DPP10: variants seen among roughly 807,000 people sequenced by gnomAD.
DPP10 encodes the protein inactive dipeptidyl peptidase 10.
A neutral mutation model predicts 120.9 loss-of-function variants in DPP10; 33 were observed. The ratio of observed to expected loss-of-function variants is 0.27; its 90% CI spans 0.21 to 0.37. The LOEUF is 0.37. Ranked by LOEUF, DPP10 falls within the 10% of genes least tolerant of loss-of-function variation. The pLI, the probability that DPP10 is intolerant of heterozygous loss-of-function variation, is 1.00. For missense variants in DPP10, 816 were observed against 942.8 expected, an observed-to-expected ratio of 0.87 and a Z score of 1.76; for synonymous variants, 337 against 326.1, an observed-to-expected ratio of 1.03 and a Z score of -0.36.
At chr2:115,816,307 A>G (rs1279410225) in intron 21 of DPP10, among the ~76,000 whole-genome samples, 1 of 152,248 alleles carries the variant, frequency 6.6e-6, no homozygotes, top group Non-Finnish European at 1.5e-5. Flanking sequence ...TTGAGTGGTC[A>G]ATTTAGGACT....
intron 3 of DPP10, among the ~76,000 whole-genome samples, chr2:115,483,325 G>T (rs2075554959): frequency 6.6e-6 from 1 of 152,074 alleles, no homozygotes; most frequent in South Asian, 2.1e-4. Context: ...GATAGCTAAT[G>T]TAACCAGCTC....
At chr2:115,546,118 G>T (rs1387490807) in intron 5 of DPP10, among the ~76,000 whole-genome samples, 1 of 151,990 alleles carries the variant, frequency 6.6e-6, no homozygotes, top group African/African-American at 2.4e-5. Flanking sequence ...CATCTTTTTG[G>T]TTTTCCACAT....
intron 1 of DPP10, among the ~76,000 whole-genome samples, chr2:115,260,051 C>G (rs1339578513): frequency 6.6e-6 from 1 of 151,146 alleles, no homozygotes; most frequent in East Asian, 1.9e-4. Context: ...TTATACAATT[C>G]ATTCACGCTT....
intron 5 of DPP10, among the ~76,000 whole-genome samples, chr2:115,622,604 C>A (rs1194665785): frequency 1.4e-5 from 2 of 143,476 alleles, no homozygotes; most frequent in East Asian, 4.2e-4. Context: ...TGGTAACTCT[C>A]TGTTTAACCT....
chr2:114,976,868 T>G (rs931997110), intron 1 of DPP10, among the ~76,000 whole-genome samples: 6 of 152,138 alleles, frequency 3.9e-5, no homozygotes, highest in African/African-American at 1.4e-4. Context: ...ATTCCATTTG[T>G]TGGATTTTCT....
intron 1 of DPP10, among the ~76,000 whole-genome samples, chr2:114,759,199 G>T (rs1680059055): frequency 6.6e-6 from 1 of 152,162 alleles, no homozygotes; most frequent in Non-Finnish European, 1.5e-5. Flanking sequence ...GAAATTTCCT[G>T]GTAATTGATG....
At chr2:115,605,888 T>C (rs914314123) in intron 5 of DPP10, among the ~76,000 whole-genome samples, 4 of 152,144 alleles carry the variant, frequency 2.6e-5, no homozygotes, top group African/African-American at 9.7e-5. Flanking sequence ...TAACAAGTTA[T>C]GTATCTGATC....
Position 114,659,549 on chromosome 2 carries a change from A to G in DPP10, c.60+216711A>G, listed in dbSNP as rs560681413. 2.0e-5 allele frequency among the ~76,000 whole-genome samples: 3 copies of G among 151,930 alleles called. No individual in the cohort carries two copies. In the South Asian group the frequency reaches 6.3e-4, roughly 32 times the overall value. On this transcript the variant is annotated intron_variant, in intron 1 of 25. Coordinates refer to ENST00000410059, the MANE Select transcript of DPP10 (RefSeq NM_020868.6). Reference sequence around the variant, plus strand: ...TTTTTTTCCTCAGAGTTTGCCAAATATTTGATTTTTTCAGAAAACAATCAC... The same window carrying G: ...TTTTTTTCCTCAGAGTTTGCCAAATGTTTGATTTTTTCAGAAAACAATCAC...
rs56149698 is a variant in DPP10, at chr2:115,172,784, TAGAC to T, written c.61-136451_61-136448del. ...ATGTGTTGGGTTGTTATACCGGACATAGACAGAGCGATGGAAAATCAAACTATGT... is the reference window on the plus strand; with the variant it reads ...ATGTGTTGGGTTGTTATACCGGACATAGAGCGATGGAAAATCAAACTATGT... On this transcript the variant is annotated intron_variant, in intron 1 of 25. Coordinates refer to ENST00000410059, the MANE Select transcript of DPP10 (RefSeq NM_020868.6). Among the ~76,000 whole-genome samples, 778 of 152,354 alleles carry T rather than the reference TAGAC, an allele frequency of 5.1e-3. 2 individuals are homozygous for T. The highest frequency in any genetic ancestry group is 5.9e-3 in the Non-Finnish European group (404 of 68,038).
intron 3 of DPP10, among the ~76,000 whole-genome samples, chr2:115,408,241 C>G (rs566173687): frequency 1.3e-5 from 2 of 152,196 alleles, no homozygotes; most frequent in African/African-American, 2.4e-5. Flanking sequence ...TTCCCAGGAA[C>G]AGGAGAGGCC....
At chr2:115,367,536 C>A (rs546887072) in intron 3 of DPP10, among the ~76,000 whole-genome samples, 1 of 151,856 alleles carries the variant, frequency 6.6e-6, no homozygotes, top group African/African-American at 2.4e-5. Flanking sequence ...TACTTTTTTA[C>A]GTTTTAAAGC....
rs988560126 is a variant in DPP10, at chr2:115,098,439, T to C, written c.61-210800T>C. Among the ~76,000 whole-genome samples, 3 of 152,174 alleles carry C rather than the reference T, an allele frequency of 2.0e-5. No individual in the cohort carries two copies. In the East Asian group the frequency reaches 5.8e-4, roughly 29 times the overall value. On this transcript the variant is annotated intron_variant, in intron 1 of 25. Coordinates refer to ENST00000410059, the MANE Select transcript of DPP10 (RefSeq NM_020868.6). ...ATCATAGAGCATACTTACGGAAACC[T>C]AGACTGTATAGCCTACTACACACCT...
rs7577319 is a variant in DPP10 at position 115,827,698 on chromosome 2, C to T, written c.1951-8459C>T. Among the ~76,000 whole-genome samples, 1,199 of 151,452 alleles carry T rather than the reference C, an allele frequency of 7.9e-3. 5 individuals carry two copies. Among genetic ancestry groups the T allele is most frequent in the Middle Eastern group, 0.031 (9 of 294 alleles). ...GCAATCTCCACCTCCCGAGTTCAAGCGATTCTCCTGCCTCAGCCTCCCCAG... is the reference window on the plus strand; with the variant it reads ...GCAATCTCCACCTCCCGAGTTCAAGTGATTCTCCTGCCTCAGCCTCCCCAG... On this transcript the variant is annotated intron_variant, in intron 21 of 25. Transcript: ENST00000410059.
At chr2:115,835,126 ACT>A (rs200755963) in intron 21 of DPP10, among the ~76,000 whole-genome samples, 1,934 of 151,496 alleles carry the variant, frequency 0.013, 40 homozygotes, top group African/African-American at 0.042. Context: ...ACAGAGCAAG[ACT>A]CTGTCTAAAA....
chr2:115,228,889 T>C (rs1384659098), intron 1 of DPP10, among the ~76,000 whole-genome samples: 1 of 152,132 alleles, frequency 6.6e-6, no homozygotes, highest in African/African-American at 2.4e-5. Flanking sequence ...TTTGGGTGTA[T>C]ACTTGGTGGT....
intron 1 of DPP10, among the ~76,000 whole-genome samples, chr2:115,099,311 C>G (rs2048568517): frequency 6.6e-6 from 1 of 152,026 alleles, no homozygotes; most frequent in African/African-American, 2.4e-5. Context: ...AAGACTCCAT[C>G]TAAACAACAA....
At chr2:115,459,925 T>A (rs978076142) in intron 3 of DPP10, among the ~76,000 whole-genome samples, 10 of 130,166 alleles carry the variant, frequency 7.7e-5, no homozygotes, top group South Asian at 2.7e-4. Flanking sequence ...AACATATATT[T>A]TATATATATA....
intron 5 of DPP10, among the ~76,000 whole-genome samples, chr2:115,578,214 T>G (rs1173896496): frequency 6.6e-6 from 1 of 152,118 alleles, no homozygotes; most frequent in Non-Finnish European, 1.5e-5. Flanking sequence ...CATGAAATAC[T>G]CTCTTCACAG....
intron 1 of DPP10, among the ~76,000 whole-genome samples, chr2:114,490,646 G>A (rs7558334): frequency 0.042 from 6,346 of 152,226 alleles, 229 homozygotes; most frequent in Middle Eastern, 0.092. Context: ...AAGCAAAGGG[G>A]GAGAAGAGGG....
Sources: gnomAD v4.1 joint callset for allele counts (sites outside exome capture counted in the v4.1 genomes callset) on GRCh38, gnomAD v4.1.1 for gene constraint, MANE v1.5 for transcripts, NCBI Gene and HGNC (gene_info 2026-07-23, HGNC 2026-07-21) for gene names.